Variants in WWOX observed in about 807,000 individuals in gnomAD.
The protein encoded by WWOX is WW domain containing oxidoreductase, also known as WW domain-containing oxidoreductase.
A neutral mutation model predicts 46.2 loss-of-function variants in WWOX; 69 were observed. The observed-to-expected ratio is 1.49, with a 90% CI of 1.23 to 1.82. The LOEUF (loss-of-function observed/expected upper bound fraction) is 1.82. Ranked by LOEUF, WWOX falls within the 40% of genes most tolerant of loss-of-function variation. The probability of loss-of-function intolerance (pLI) is 0.00; values close to 1 mark genes in which losing one functional copy is unlikely to be tolerated. For missense variants in WWOX, 919 were observed against 542.6 expected, an observed-to-expected ratio of 1.69 and a Z score of -6.89; for synonymous variants, 359 against 202.6, an observed-to-expected ratio of 1.77 and a Z score of -6.56.
chr16:78,756,879 C>T (rs991552692), intron 8 of WWOX: 24 of 702,162 alleles, frequency 3.4e-5, no homozygotes, highest in South Asian at 1.0e-4. Context: ...ATGTGACTTA[C>T]GAGGCTAGAC....
rs545515715 is a variant in WWOX, at chr16:78,579,533, G to A, written c.1056+146781G>A. Among the ~76,000 whole-genome samples the A allele has an allele frequency of 2.3e-4, 35 of 152,262 alleles. No individual in the cohort carries two copies. The South Asian group carries it at 7.1e-3, about 31-fold the overall frequency. On this transcript the variant is annotated intron_variant, in intron 8 of 8. Transcript: ENST00000566780. ...GATGAGGCTGGCGAGAGAGAAGGATGCTAGGTGAGGTGCTGTGGTGCGCCA... is the reference window on the plus strand; with the variant it reads ...GATGAGGCTGGCGAGAGAGAAGGATACTAGGTGAGGTGCTGTGGTGCGCCA...
chr16:79,014,425 G>T (rs1255821758), intron 8 of WWOX, among the ~76,000 whole-genome samples: 1 of 152,272 alleles, frequency 6.6e-6, no homozygotes, highest in East Asian at 1.9e-4. Context: ...AGCTGTCTAT[G>T]TTTTCCTGGA....
At position 78,929,775 on chromosome 16, in the gene WWOX, G is replaced by T. The variant is rs1047309847; in HGVS notation, c.1057-281833G>T. Reference sequence around the variant, plus strand: ...AGGTTGCAGAGGGTCAGTCCAAGGTGACCAGAATCTGACCTGGGGCAATGC... The same window carrying T: ...AGGTTGCAGAGGGTCAGTCCAAGGTTACCAGAATCTGACCTGGGGCAATGC... On this transcript the variant is annotated intron_variant, in intron 8 of 8. Coordinates refer to ENST00000566780, the MANE Select transcript of WWOX (RefSeq NM_016373.4). 5.3e-5 allele frequency among the ~76,000 whole-genome samples: 8 copies of T among 152,198 alleles called. No individual in the cohort carries two copies. In the South Asian group the frequency reaches 1.4e-3, roughly 28 times the overall value.
intron 8 of WWOX, among the ~76,000 whole-genome samples, chr16:78,741,233 G>C (rs2049218850): frequency 6.6e-6 from 1 of 152,172 alleles, no homozygotes; most frequent in Admixed American, 6.5e-5. Context: ...AGCATTTACT[G>C]ACTCCTTAGC....
intron 8 of WWOX, among the ~76,000 whole-genome samples, chr16:78,527,991 C>CTT (rs71140808): frequency 0.04 from 1,407 of 34,814 alleles, 304 homozygotes; most frequent in African/African-American, 0.095. Context: ...GGTACATGTC[C>CTT]TTTTTTTTTT....
intron 6 of WWOX, among the ~76,000 whole-genome samples, chr16:78,404,089 C>T (rs1179813215): frequency 6.6e-6 from 1 of 152,100 alleles, no homozygotes; most frequent in Non-Finnish European, 1.5e-5. Flanking sequence ...GTTTCCAGTG[C>T]AATTTTATAA....
chr16:79,137,876 G>T (rs866421748), intron 8 of WWOX, among the ~76,000 whole-genome samples: 1 of 152,002 alleles, frequency 6.6e-6, no homozygotes, highest in East Asian at 1.9e-4. Flanking sequence ...ACAAACACAA[G>T]ACCAAAGTTA....
intron 8 of WWOX, among the ~76,000 whole-genome samples, chr16:79,051,067 T>A (rs1017297487): frequency 1.3e-5 from 2 of 152,338 alleles, no homozygotes; most frequent in Non-Finnish European, 2.9e-5. Context: ...CTGTAGCCAT[T>A]ATATTTGCTG....
intron 8 of WWOX, among the ~76,000 whole-genome samples, chr16:78,910,730 T>G (rs1395205616): frequency 6.6e-6 from 1 of 151,890 alleles, no homozygotes; most frequent in Non-Finnish European, 1.5e-5. Context: ...CTCCCCTTTA[T>G]AAAACCATCA....
chr16:78,137,039 A>G (rs1422119900), intron 4 of WWOX, among the ~76,000 whole-genome samples: 1 of 152,298 alleles, frequency 6.6e-6, no homozygotes, highest in African/African-American at 2.4e-5. Context: ...TACCATTCAC[A>G]TACCATTCAC....
At chr16:78,206,366 G>A (rs1349178180) in intron 5 of WWOX, among the ~76,000 whole-genome samples, 1 of 151,962 alleles carries the variant, frequency 6.6e-6, no homozygotes, top group African/African-American at 2.4e-5. Context: ...GAAAGGAGGA[G>A]GAGAAGAATT....
chr16:78,119,791 G>A (rs1003734666), intron 4 of WWOX, among the ~76,000 whole-genome samples: 5 of 152,146 alleles, frequency 3.3e-5, no homozygotes, highest in African/African-American at 1.2e-4. Context: ...GAACAAATTA[G>A]ATATTTTCAG....
At chr16:78,949,468 T>C (rs888721581) in intron 8 of WWOX, among the ~76,000 whole-genome samples, 1 of 152,144 alleles carries the variant, frequency 6.6e-6, no homozygotes, top group African/African-American at 2.4e-5. Context: ...CCCGTGACAC[T>C]CAGCTCCCTG....
At chr16:79,173,563 C>G (rs2150772566) in intron 8 of WWOX, among the ~76,000 whole-genome samples, 1 of 152,072 alleles carries the variant, frequency 6.6e-6, no homozygotes, top group Middle Eastern at 3.4e-3. Context: ...GAGACTGTAG[C>G]TCACAACACT....
intron 5 of WWOX, among the ~76,000 whole-genome samples, chr16:78,309,055 A>G (rs2080185514): frequency 6.6e-6 from 1 of 152,106 alleles, no homozygotes. Context: ...TCAGGTGTTT[A>G]GTTAATAACT....
chr16:78,390,599 T>A (rs188309275), intron 6 of WWOX, among the ~76,000 whole-genome samples: 5 of 152,150 alleles, frequency 3.3e-5, no homozygotes, highest in African/African-American at 1.2e-4. Flanking sequence ...AGCGAGAGAT[T>A]TTACTTTTGA....
chr16:78,126,880 A>G lies in WWOX; in HGVS notation c.409+11726A>G, dbSNP rs1029139547. Among the ~76,000 whole-genome samples, 12 of 152,178 alleles carry G rather than the reference A, an allele frequency of 7.9e-5. 1 individual carries two copies. Among genetic ancestry groups the G allele is most frequent in the Non-Finnish European group, 1.6e-4 (11 of 68,040 alleles). ...AAGATTTGATTACTTTGGTTATGCA[A>G]ATTTCCCCTAGATCTTCTATTAATG... On this transcript the variant is annotated intron_variant, in intron 4 of 8. Transcript: ENST00000566780.
chr16:78,956,542 T>C (rs145882280), intron 8 of WWOX, among the ~76,000 whole-genome samples: 1 of 152,226 alleles, frequency 6.6e-6, no homozygotes, highest in South Asian at 2.1e-4. Flanking sequence ...TGGTGATATA[T>C]ATTCTGTGGG....
intron 8 of WWOX, among the ~76,000 whole-genome samples, chr16:78,958,533 G>A (rs1009909884): frequency 3.3e-5 from 5 of 152,190 alleles, no homozygotes; most frequent in Admixed American, 3.3e-4. Context: ...TTGCCAATTT[G>A]GGAAGTTATG....
Sources: allele counts gnomAD v4.1 joint callset (sites outside exome capture counted in the v4.1 genomes callset), GRCh38; gene constraint gnomAD v4.1.1; transcripts MANE v1.5; gene names NCBI Gene and HGNC (gene_info 2026-07-23, HGNC 2026-07-21).